The following ART3 variants were observed in gnomAD, a reference collection of about 807,000 sequenced individuals.
ART3 encodes ADP-ribosyltransferase 3 (inactive).
In ART3, 49 loss-of-function variants were observed where a neutral mutation model predicts 48.5. The observed-to-expected ratio is 1.01, with a 90% CI of 0.80 to 1.28. The LOEUF (loss-of-function observed/expected upper bound fraction) is 1.28, where lower values mean the gene tolerates loss of function less well. ART3 is among the 50% of genes most tolerant of loss of function. The probability of loss-of-function intolerance (pLI) is 0.00; values close to 1 mark genes in which losing one functional copy is unlikely to be tolerated. For missense variants in ART3, 438 were observed against 454.3 expected, an observed-to-expected ratio of 0.96 and a Z score of 0.33; for synonymous variants, 145 against 157.2, an observed-to-expected ratio of 0.92 and a Z score of 0.58.
intron 1 of ART3, among the ~76,000 whole-genome samples, chr4:76,058,819 G>T (rs1718919306): frequency 6.6e-6 from 1 of 152,126 alleles, no homozygotes; most frequent in Admixed American, 6.6e-5. Flanking sequence ...ATTAAATTTA[G>T]CAGAGCTTAA....
chr4:76,071,468 C>T (rs561479228), upstream of ART3, among the ~76,000 whole-genome samples: 1 of 152,224 alleles, frequency 6.6e-6, no homozygotes, highest in East Asian at 1.9e-4. Context: ...TATAGAAAAA[C>T]TCCTTGAAAG....
chr4:76,025,155 G>A (rs145732878), intron 1 of ART3, among the ~76,000 whole-genome samples: 73 of 151,832 alleles, frequency 4.8e-4, no homozygotes, highest in Admixed American at 3.0e-3. Flanking sequence ...CTAGCAAAGA[G>A]GCGTTCGTTC....
At chr4:76,076,393 A>G (rs1181258754) in intron 2 of ART3, among the ~76,000 whole-genome samples, 1 of 152,218 alleles carries the variant, frequency 6.6e-6, no homozygotes, top group African/African-American at 2.4e-5. Flanking sequence ...TAAATTAATT[A>G]TAAGTAGCTC....
At chr4:76,023,428 T>A in intron 1 of ART3, 1 of 1,613,916 alleles carries the variant, frequency 6.2e-7, no homozygotes, top group Non-Finnish European at 8.5e-7. Context: ...GCAGTTTGAT[T>A]CATGGTGCTG....
intron 3 of ART3, 136 bp downstream of exon 3, chr4:76,082,671 C>T: frequency 1.6e-6 from 1 of 639,472 alleles, no homozygotes; most frequent in Non-Finnish European, 2.5e-6. Flanking sequence ...TTCATACTAT[C>T]TCTTTACCCA....
chr4:76,031,665 A>G (rs543133729), intron 1 of ART3, among the ~76,000 whole-genome samples: 22 of 152,314 alleles, frequency 1.4e-4, no homozygotes, highest in African/African-American at 5.3e-4. Flanking sequence ...ATCACTTTAT[A>G]CTTCCTACTA....
rs1320935709 is a variant in ART3 at position 76,082,363 on chromosome 4, C to T, written c.609C>T (p.Ile203=). ...AANDQLTVLS[I]YTCLGVDIEN... is the part of the protein sequence containing the mutation. ...ATGACCAGCTCACTGTGTTATCCAT[C>T]TACACATGCCTTGGAGTTGACATTG... The change falls in exon 3 of 12, where the codon ATC becomes ATT. Residue 203 remains isoleucine (I), a synonymous_variant. Coordinates refer to ENST00000355810, the MANE Select transcript of ART3 (RefSeq NM_001130016.3). The T allele has an allele frequency of 5.0e-6, 8 of 1,614,084 alleles. No homozygotes were observed. The African/African-American group carries it at 9.3e-5, about 19-fold the overall frequency.
At chr4:76,021,081 A>G (rs559928594) in intron 1 of ART3, 5 of 152,354 alleles carry the variant, frequency 3.3e-5, no homozygotes, top group Admixed American at 2.6e-4. Context: ...CTTATGAAAT[A>G]AATATCCCAA....
intron 3 of ART3, among the ~76,000 whole-genome samples, chr4:76,093,904 T>C (rs541241575): frequency 1.1e-3 from 160 of 152,328 alleles, no homozygotes; most frequent in Non-Finnish European, 1.5e-3. Flanking sequence ...AAAATTCATA[T>C]GTTGAAGCCC....
At chr4:76,097,029 T>C (rs1405806733) in intron 3 of ART3, among the ~76,000 whole-genome samples, 1 of 152,118 alleles carries the variant, frequency 6.6e-6, no homozygotes, top group African/African-American at 2.4e-5. Context: ...GCCGACTAAT[T>C]ATAGAATAGA....
chr4:76,058,031 G>T (rs985222197), intron 1 of ART3: 2 of 152,148 alleles, frequency 1.3e-5, no homozygotes, highest in Non-Finnish European at 2.9e-5. Context: ...TGGCAACTGT[G>T]TTGGAAACTA....
intron 1 of ART3, among the ~76,000 whole-genome samples, chr4:76,061,152 A>T (rs951042079): frequency 6.6e-6 from 1 of 152,212 alleles, no homozygotes; most frequent in Non-Finnish European, 1.5e-5. Flanking sequence ...TCTCTGAACT[A>T]GTCAGTTGCC....
At chr4:76,035,446 G>A in intron 1 of ART3, 1 of 1,190,458 alleles carries the variant, frequency 8.4e-7, no homozygotes, top group South Asian at 1.5e-5. Context: ...TAAGGGTAAA[G>A]ATAGTAATTT....
intron 3 of ART3, among the ~76,000 whole-genome samples, chr4:76,096,913 C>A (rs1001165367): frequency 3.3e-5 from 5 of 152,170 alleles, no homozygotes; most frequent in Non-Finnish European, 7.4e-5. Flanking sequence ...GATTCTTCTT[C>A]TTCAAAGGAT....
intron 1 of ART3, among the ~76,000 whole-genome samples, chr4:76,042,537 C>A (rs1484915520): frequency 6.6e-6 from 1 of 152,132 alleles, no homozygotes; most frequent in Non-Finnish European, 1.5e-5. Flanking sequence ...AAAAGTGTGT[C>A]CAGAATTGGT....
chr4:76,055,832 A>G (rs897662178), intron 1 of ART3, among the ~76,000 whole-genome samples: 9 of 152,194 alleles, frequency 5.9e-5, no homozygotes, highest in African/African-American at 2.2e-4. Context: ...CTACTTCCCC[A>G]TTGTGATTTG....
chr4:76,106,377 G>A, intron 10 of ART3: 1 of 984,642 alleles, frequency 1.0e-6, no homozygotes, highest in Non-Finnish European at 1.2e-6. Flanking sequence ...AACACGAAAA[G>A]GTGGCTTGCC....
At chr4:76,031,262 A>G (rs1026234649) in intron 1 of ART3, among the ~76,000 whole-genome samples, 3 of 152,170 alleles carry the variant, frequency 2.0e-5, no homozygotes, top group Non-Finnish European at 2.9e-5. Flanking sequence ...CCGATTTTAC[A>G]TGTACAGTAG....
intron 1 of ART3, chr4:76,034,573 G>C: frequency 1.7e-6 from 1 of 580,038 alleles, no homozygotes; most frequent in South Asian, 2.3e-5. Flanking sequence ...TTGGGCAGTG[G>C]AATTCTGATT....
Sources: gnomAD v4.1 joint callset for allele counts (sites outside exome capture counted in the v4.1 genomes callset) on GRCh38, gnomAD v4.1.1 for gene constraint, MANE v1.5 for transcripts, NCBI Gene and HGNC (gene_info 2026-07-23, HGNC 2026-07-21) for gene names.